DSCAM: variants seen among roughly 807,000 people sequenced by gnomAD.
The protein encoded by DSCAM is DS cell adhesion molecule.
Under a neutral mutation model 217.7 loss-of-function variants are expected in DSCAM, and 47 were observed. That is an observed-to-expected ratio of 0.22 (90% CI 0.17 to 0.28). The LOEUF is 0.28. Ranked by LOEUF, DSCAM falls within the 10% of genes least tolerant of loss-of-function variation. DSCAM has a pLI of 1.00. For missense variants in DSCAM, 2,080 were observed against 2,618.3 expected, an observed-to-expected ratio of 0.79 and a Z score of 4.49; for synonymous variants, 1,056 against 1,015.3, an observed-to-expected ratio of 1.04 and a Z score of -0.76.
At chr21:40,713,312 T>G (rs1174400354) in intron 1 of DSCAM, among the ~76,000 whole-genome samples, 1 of 152,178 alleles carries the variant, frequency 6.6e-6, no homozygotes, top group East Asian at 1.9e-4. Context: ...AGTTTATCAG[T>G]ATAAACACAG....
intron 11 of DSCAM, among the ~76,000 whole-genome samples, chr21:40,225,494 C>T (rs2837516): frequency 0.42 from 63,871 of 151,978 alleles, 15,275 homozygotes; most frequent in East Asian, 0.57. Context: ...ATCTTCAAAA[C>T]GGCTAAAATC....
In DSCAM at chr21:40,080,100, T is replaced by C. The variant is rs2089432200; in HGVS notation, c.4420+52A>G. 30 of 1,307,820 alleles carry C rather than the reference T, an allele frequency of 2.3e-5. 1 individual carries two copies. In the South Asian group the frequency reaches 3.7e-4, roughly 16 times the overall value. 81.0% of individuals were successfully genotyped at this position (1,307,820 alleles called of 1,614,324 possible). A position where few individuals can be genotyped will look rare whatever the true frequency, so the allele number is the denominator to read the frequency against. ...GATCTTTTATGATTCCAATCTCCTCTTCTGGCCGGGAAAAGAAAGGATATT... is the reference window on the plus strand; with the variant it reads ...GATCTTTTATGATTCCAATCTCCTCCTCTGGCCGGGAAAAGAAAGGATATT... On this transcript the variant is annotated intron_variant, in intron 25 of 32. Coordinates refer to ENST00000400454, the MANE Select transcript of DSCAM (RefSeq NM_001389.5).
intron 3 of DSCAM, among the ~76,000 whole-genome samples, chr21:40,545,145 T>G (rs146169829): frequency 6.6e-6 from 1 of 152,120 alleles, no homozygotes; most frequent in Non-Finnish European, 1.5e-5. Flanking sequence ...CTCTGTGCCA[T>G]GTAGGGATAC....
chr21:40,436,685 C>T (rs577839422), intron 3 of DSCAM, among the ~76,000 whole-genome samples: 3 of 152,192 alleles, frequency 2.0e-5, no homozygotes, highest in Admixed American at 6.5e-5. Context: ...TTGAAGGACT[C>T]GCCAAGTGAA....
At chr21:40,609,492 T>C (rs2089285500) in intron 3 of DSCAM, among the ~76,000 whole-genome samples, 1 of 152,216 alleles carries the variant, frequency 6.6e-6, no homozygotes, top group African/African-American at 2.4e-5. Context: ...TGTGCAATGA[T>C]ACCTGGGCTA....
At chr21:40,754,496 T>C (rs1167696706) in intron 1 of DSCAM, among the ~76,000 whole-genome samples, 2 of 152,170 alleles carry the variant, frequency 1.3e-5, no homozygotes, top group East Asian at 3.9e-4. Flanking sequence ...CTATGAGAAA[T>C]GGCAGCTTCA....
intron 1 of DSCAM, among the ~76,000 whole-genome samples, chr21:40,742,305 C>T (rs2091131896): frequency 6.6e-6 from 1 of 152,172 alleles, no homozygotes; most frequent in Non-Finnish European, 1.5e-5. Flanking sequence ...TGGTGTAGCT[C>T]ATAGACATGC....
At position 40,285,054 on chromosome 21, in the gene DSCAM, C is replaced by CT. The variant is rs557792338; in HGVS notation, c.2183-8785dup. Among the ~76,000 whole-genome samples, 755 of 151,698 alleles carry CT rather than the reference C, an allele frequency of 5.0e-3. 11 individuals carry two copies. Among genetic ancestry groups the CT allele is most frequent in the Admixed American group, 0.029 (444 of 15,204 alleles). The stretch of plus-strand genomic sequence containing the variant: ...ATTATGTAACTAATACATAAGAATC[C>CT]TTTTTTTTTAAATCAGCCAGAGGGA... On this transcript the variant is annotated intron_variant, in intron 10 of 32. Transcript: ENST00000400454.
At chr21:40,657,698 C>A (rs529222361) in intron 3 of DSCAM, among the ~76,000 whole-genome samples, 1 of 152,244 alleles carries the variant, frequency 6.6e-6, no homozygotes, top group African/African-American at 2.4e-5. Flanking sequence ...CGCAGGAGTA[C>A]CCATGCTGAA....
Position 40,013,428 on chromosome 21 carries a change from G to C in DSCAM, c.5687-42C>G, listed in dbSNP as rs1052419832. The C allele has an allele frequency of 7.1e-6, 10 of 1,413,866 alleles. No homozygotes were observed. In the Admixed American group the frequency reaches 2.1e-4, roughly 29 times the overall value. 87.6% of individuals were successfully genotyped at this position (1,413,866 alleles called of 1,614,324 possible). A position where few individuals can be genotyped will look rare whatever the true frequency, so the allele number is the denominator to read the frequency against. On this transcript the variant is annotated intron_variant, in intron 32 of 32. Coordinates refer to ENST00000400454, the MANE Select transcript of DSCAM (RefSeq NM_001389.5). The stretch of plus-strand genomic sequence containing the variant: ...GGTAGTTAGTTGGTGTCTTCATTTG[G>C]TAAACATGGGCAGAATGTCCTGTGT...
chr21:40,117,001 CAAAAAAAAAAAA>C (rs534100380), intron 20 of DSCAM, among the ~76,000 whole-genome samples: 23 of 33,180 alleles, frequency 6.9e-4, no homozygotes, highest in East Asian at 4.2e-3. Context: ...GACTCTGTCT[CAAAAAAAAAAAA>C]AAAAAAAAAA....
At chr21:40,330,405 C>CTT (rs373268306) in intron 8 of DSCAM, among the ~76,000 whole-genome samples, 3 of 143,322 alleles carry the variant, frequency 2.1e-5, no homozygotes, top group African/African-American at 7.6e-5. Context: ...ATATATTATA[C>CTT]ATATATATAT....
chr21:40,829,166 A>G (rs189236029), intron 1 of DSCAM, among the ~76,000 whole-genome samples: 1 of 152,336 alleles, frequency 6.6e-6, no homozygotes, highest in Non-Finnish European at 1.5e-5. Flanking sequence ...ACAGGAGTGG[A>G]CGCTGATCAC....
At chr21:40,101,047 G>A (rs2089743636) in intron 20 of DSCAM, among the ~76,000 whole-genome samples, 1 of 152,202 alleles carries the variant, frequency 6.6e-6, no homozygotes, top group Admixed American at 6.5e-5. Context: ...GCATGGACTT[G>A]AGGGATCCCA....
chr21:40,764,889 G>A (rs1376848381), intron 1 of DSCAM, among the ~76,000 whole-genome samples: 1 of 152,116 alleles, frequency 6.6e-6, no homozygotes, highest in African/African-American at 2.4e-5. Context: ...TCACAAGTGG[G>A]AGTTGAACAA....
In DSCAM at chr21:40,042,490, T is replaced by A; in HGVS notation, c.5567A>T (p.Asp1856Val). 6.2e-7 allele frequency: 1 copy of A among 1,614,202 alleles called. No individual in the cohort carries two copies. The highest frequency in any genetic ancestry group is 8.5e-7 in the Non-Finnish European group (1 of 1,180,028). The change falls in exon 32 of 33, where the codon GAC becomes GTC. Residue 1856 changes from aspartate to valine, a missense_variant. Physicochemically the swap from Asp to Val is radical, Grantham distance 152 (BLOSUM62 -3). Transcript: ENST00000400454. Reference protein sequence around the residue: ...QLTAGTNEYTDSLTSSTPSES... With the variant: ...QLTAGTNEYTVSLTSSTPSES... ...GGAAGGGGTGCTGGAGGTCAGACTGTCCGTGTACTCATTTGTCCCTGCCGT... is the reference window on the plus strand; with the variant it reads ...GGAAGGGGTGCTGGAGGTCAGACTGACCGTGTACTCATTTGTCCCTGCCGT...
At chr21:40,143,053 C>G (rs534579619) in intron 17 of DSCAM, among the ~76,000 whole-genome samples, 1 of 152,276 alleles carries the variant, frequency 6.6e-6, no homozygotes, top group Admixed American at 6.5e-5. Flanking sequence ...TTTCCCCTTA[C>G]TCTTGGAAGT....
chr21:40,525,776 A>C (rs975149295), intron 3 of DSCAM, among the ~76,000 whole-genome samples: 1 of 152,206 alleles, frequency 6.6e-6, no homozygotes, highest in African/African-American at 2.4e-5. Flanking sequence ...AATTCACTTA[A>C]TGTTTTGAGG....
chr21:40,106,311 T>C (rs576395413), intron 20 of DSCAM, among the ~76,000 whole-genome samples: 1 of 152,314 alleles, frequency 6.6e-6, no homozygotes, highest in South Asian at 2.1e-4. Context: ...AGAAGAGATT[T>C]GAGTGGAGAC....
Sources: allele counts gnomAD v4.1 joint callset (sites outside exome capture counted in the v4.1 genomes callset), GRCh38; gene constraint gnomAD v4.1.1; transcripts MANE v1.5; gene names NCBI Gene and HGNC (gene_info 2026-07-23, HGNC 2026-07-21).